The following MEI4 variants were observed in gnomAD, a reference collection of about 807,000 sequenced individuals.
MEI4 encodes meiotic double-stranded break formation protein 4, also known as meiosis-specific protein MEI4.
MEI4 carries 27 observed loss-of-function variants against 31.4 expected under a neutral mutation model. The ratio of observed to expected loss-of-function variants is 0.86; its 90% confidence interval spans 0.63 to 1.19. The LOEUF is 1.19. Ranked by LOEUF, MEI4 falls within the 50% of genes most tolerant of loss-of-function variation. MEI4 has a pLI of 0.00. For synonymous variants in MEI4, 122 were observed against 145.4 expected (o/e 0.84, Z 1.16); for missense variants, 329 against 398.9 (o/e 0.82, Z 1.49).
intron 4 of MEI4, among the ~76,000 whole-genome samples, chr6:77,880,680 T>C (rs1192358204): frequency 6.6e-6 from 1 of 152,102 alleles, no homozygotes; most frequent in Non-Finnish European, 1.5e-5. Flanking sequence ...GTGACACTAG[T>C]TATGAAAGAA....
At chr6:77,868,879 TG>T (rs1471996374) in intron 4 of MEI4, among the ~76,000 whole-genome samples, 1 of 152,006 alleles carries the variant, frequency 6.6e-6, no homozygotes, top group East Asian at 1.9e-4. Context: ...CAGCACAGCC[TG>T]GTCACTGAAG....
At chr6:77,685,115 C>T (rs1361398161) in intron 1 of MEI4, among the ~76,000 whole-genome samples, 1 of 152,094 alleles carries the variant, frequency 6.6e-6, no homozygotes, top group African/African-American at 2.4e-5. Context: ...ATGCTGTGAA[C>T]ACTTTCATAT....
intron 4 of MEI4, among the ~76,000 whole-genome samples, chr6:77,874,509 A>C (rs1447414173): frequency 6.6e-6 from 1 of 152,194 alleles, no homozygotes; most frequent in Admixed American, 6.5e-5. Flanking sequence ...TTTTGGGCTG[A>C]GACAATGGGG....
At chr6:77,744,219 G>GA (rs1292906380) in intron 2 of MEI4, among the ~76,000 whole-genome samples, 2 of 152,006 alleles carry the variant, frequency 1.3e-5, no homozygotes, top group Non-Finnish European at 2.9e-5. Flanking sequence ...TAAAAGCTTT[G>GA]AAAAAAATTT....
intron 1 of MEI4, among the ~76,000 whole-genome samples, chr6:77,680,288 T>TA (rs534914038): frequency 1.9e-4 from 28 of 147,270 alleles, no homozygotes; most frequent in Admixed American, 4.7e-4. Flanking sequence ...AAATAAAAAA[T>TA]AAAAAAAAAA....
intron 4 of MEI4, among the ~76,000 whole-genome samples, chr6:77,838,266 G>C (rs1770271891): frequency 2.0e-5 from 3 of 151,620 alleles, no homozygotes. Flanking sequence ...TTTACTGTAG[G>C]TATGTAAATT....
intron 1 of MEI4, among the ~76,000 whole-genome samples, chr6:77,680,288 TAAAAAAA>T (rs534914038): frequency 2.0e-5 from 3 of 147,282 alleles, no homozygotes; most frequent in Admixed American, 6.8e-5. Context: ...AAATAAAAAA[TAAAAAAA>T]AAATAAAAGG....
intron 3 of MEI4, among the ~76,000 whole-genome samples, chr6:77,813,138 G>A (rs1769613012): frequency 6.6e-6 from 1 of 152,070 alleles, no homozygotes; most frequent in South Asian, 2.1e-4. Flanking sequence ...TTTGGTGCCT[G>A]ATCCCAGTAT....
At chr6:77,867,304 A>G (rs1249641719) in intron 4 of MEI4, among the ~76,000 whole-genome samples, 1 of 152,350 alleles carries the variant, frequency 6.6e-6, no homozygotes, top group African/African-American at 2.4e-5. Flanking sequence ...AGAATGGGAG[A>G]AAATTTTTGC....
intron 1 of MEI4, among the ~76,000 whole-genome samples, chr6:77,668,484 A>G (rs1768679361): frequency 6.6e-6 from 1 of 152,196 alleles, no homozygotes; most frequent in Admixed American, 6.5e-5. Flanking sequence ...CTTAGTGTCC[A>G]TGATATTCAG....
chr6:77,865,270 TC>T (rs761100848), intron 4 of MEI4, among the ~76,000 whole-genome samples: 57 of 152,196 alleles, frequency 3.7e-4, no homozygotes, highest in Admixed American at 1.1e-3. Flanking sequence ...AAAAAACCCT[TC>T]AAAAAATCAA....
intron 4 of MEI4, among the ~76,000 whole-genome samples, chr6:77,837,664 A>C (rs989391057): frequency 6.6e-6 from 1 of 152,190 alleles, no homozygotes; most frequent in Non-Finnish European, 1.5e-5. Context: ...AATATTTACT[A>C]TCTTGATCTT....
At position 77,862,777 on chromosome 6, in the gene MEI4, C is replaced by T. The variant is rs188695504; in HGVS notation, c.900+33715C>T. Among the ~76,000 whole-genome samples the T allele has an allele frequency of 1.4e-3, 213 of 152,314 alleles. 1 individual carries two copies. Among genetic ancestry groups the T allele is most frequent in the African/African-American group, 4.5e-3 (187 of 41,558 alleles). ...GATCTGAGAACGGACAGACGGCCTC[C>T]TCAAGTGGGTCCCTGACCCCCAAGT... is the stretch of plus-strand genomic sequence containing the variant. On this transcript the variant is annotated intron_variant, in intron 4 of 4. Coordinates refer to ENST00000684080, the MANE Select transcript of MEI4 (RefSeq NM_001322247.2).
At chr6:77,909,739 GGC>G (rs1424755717) in intron 4 of MEI4, among the ~76,000 whole-genome samples, 1 of 152,072 alleles carries the variant, frequency 6.6e-6, no homozygotes, top group Non-Finnish European at 1.5e-5. Flanking sequence ...ACCAAAGCCT[GGC>G]AGAGACACAA....
rs542960566 is a variant in MEI4 at position 77,767,055 on chromosome 6, G to A, written c.768+5390G>A. Among the ~76,000 whole-genome samples, 33 of 152,202 alleles carry A rather than the reference G, an allele frequency of 2.2e-4. No individual in the cohort carries two copies. The South Asian group carries it at 6.2e-3, about 29-fold the overall frequency. ...ATATAAAGGAAGTCTAAGGTTAAGGGTCATTTCATCCTTGCTTATAGCTGT... is the reference window on the plus strand; with the variant it reads ...ATATAAAGGAAGTCTAAGGTTAAGGATCATTTCATCCTTGCTTATAGCTGT... On this transcript the variant is annotated intron_variant, in intron 3 of 4. Transcript: ENST00000684080.
At chr6:77,867,691 A>G (rs933529269) in intron 4 of MEI4, among the ~76,000 whole-genome samples, 1 of 152,198 alleles carries the variant, frequency 6.6e-6, no homozygotes, top group African/African-American at 2.4e-5. Flanking sequence ...TAGAAATACC[A>G]TTTGACCCAG....
chr6:77,834,664 G>A (rs2127712883), intron 4 of MEI4, among the ~76,000 whole-genome samples: 1 of 152,084 alleles, frequency 6.6e-6, no homozygotes, highest in Non-Finnish European at 1.5e-5. Flanking sequence ...AGTTGCCACT[G>A]GGCCCCGATC....
intron 2 of MEI4, among the ~76,000 whole-genome samples, chr6:77,736,585 C>T (rs1325149641): frequency 6.6e-6 from 1 of 152,076 alleles, no homozygotes; most frequent in African/African-American, 2.4e-5. Flanking sequence ...ATGCAGAAAT[C>T]ATTCGTCTTC....
chr6:77,767,943 A>G (rs1012296095), intron 3 of MEI4, among the ~76,000 whole-genome samples: 2 of 152,234 alleles, frequency 1.3e-5, no homozygotes, highest in African/African-American at 4.8e-5. Context: ...CTTTCAAAGT[A>G]TACTATACAT....
Sources: allele counts gnomAD v4.1 joint callset (sites outside exome capture counted in the v4.1 genomes callset), GRCh38; gene constraint gnomAD v4.1.1; transcripts MANE v1.5; gene names NCBI Gene and HGNC (gene_info 2026-07-23, HGNC 2026-07-21).